Variants in GPC2 observed in about 807,000 individuals in gnomAD.
GPC2 encodes glypican-2.
A neutral mutation model predicts 57.3 loss-of-function variants in GPC2; 42 were observed. That is an observed-to-expected ratio of 0.73 (90% CI 0.57 to 0.95). The LOEUF is 0.95. Among genes scored for constraint, GPC2 ranks in the 40% least tolerant of loss-of-function variants. GPC2 has a pLI of 0.00. For synonymous variants in GPC2, 364 were observed against 343.4 expected, an observed-to-expected ratio of 1.06 and a Z score of -0.66; for missense variants, 745 against 793.6, an observed-to-expected ratio of 0.94 and a Z score of 0.74.
intron 5 of GPC2, 109 bp from the exon 6 acceptor site, chr7:100,172,326 G>A (rs1799193009): frequency 8.1e-7 from 1 of 1,229,516 alleles, no homozygotes; most frequent in Non-Finnish European, 1.1e-6. Context: ...GTGTTTGGGG[G>A]AAACTCACAT....
At position 100,174,754 on chromosome 7, in the gene GPC2, G is replaced by C. The variant is rs1249952468; in HGVS notation, c.660C>G (p.Thr220=). Residue 220 remains threonine (T), a synonymous_variant, in exon 4 of 10, where the codon ACC becomes ACG. Transcript: ENST00000292377. ...PRRLRLQITR[T]LVAARAFVQG... The stretch of plus-strand genomic sequence containing the variant: ...GCACAAAGGCTCGGGCAGCCACCAG[G>C]GTCCGGGTTATCTGGGAGAAGGCAA... 1 of 1,613,974 alleles carries C rather than the reference G, an allele frequency of 6.2e-7. No individual in the cohort carries two copies. Among genetic ancestry groups the C allele is most frequent in the Admixed American group, 1.7e-5 (1 of 60,004 alleles).
intron 4 of GPC2, 128 bp from the exon 5 acceptor site, chr7:100,174,125 G>A: frequency 2.6e-6 from 2 of 763,322 alleles, no homozygotes; most frequent in Non-Finnish European, 2.0e-6. Flanking sequence ...CCACGTGGCA[G>A]CAGGTGAGAT....
intron 2 of GPC2, 61 bp downstream of exon 2, chr7:100,176,146 G>A (rs962484528): frequency 6.8e-7 from 1 of 1,475,806 alleles, no homozygotes; most frequent in African/African-American, 1.4e-5. Context: ...CAGGAGCCTT[G>A]CTGGGGTCCT....
chr7:100,176,896 G>A (rs1799300173), intron 1 of GPC2, 138 bp downstream of exon 1: 5 of 651,636 alleles, frequency 7.7e-6, no homozygotes, highest in Admixed American at 7.0e-5. Flanking sequence ...GGAAGTTACA[G>A]GAGGAGAACA....
At chr7:100,174,606 G>T in intron 4 of GPC2, 79 bp downstream of exon 4, 3 of 1,035,752 alleles carry the variant, frequency 2.9e-6, no homozygotes, top group Non-Finnish European at 1.5e-6. Flanking sequence ...CTGGCTGGTG[G>T]CTGTTTCTTC....
At chr7:100,176,970 G>A (rs1039776147) in intron 1 of GPC2, 64 bp downstream of exon 1, 2 of 1,033,606 alleles carry the variant, frequency 1.9e-6, no homozygotes, top group African/African-American at 3.2e-5. Flanking sequence ...GAGTTATTGT[G>A]AGATGAGGAG....
chr7:100,172,731 A>G (rs552422654), intron 5 of GPC2, among the ~76,000 whole-genome samples: 20 of 146,594 alleles, frequency 1.4e-4, no homozygotes, highest in African/African-American at 4.3e-4. Flanking sequence ...ACGTATATAT[A>G]TGTGTATATA....
intron 4 of GPC2, 105 bp from the exon 5 acceptor site, chr7:100,174,102 A>C: frequency 9.2e-7 from 1 of 1,091,420 alleles, no homozygotes; most frequent in Non-Finnish European, 1.3e-6. Flanking sequence ...CCCTACACCT[A>C]GGGTTGGTGA....
In GPC2 at chr7:100,171,986, A is replaced by C; in HGVS notation, c.1024-61T>G. 2 of 1,556,886 alleles carry C rather than the reference A, an allele frequency of 1.3e-6. No individual in the cohort carries two copies. The highest frequency in any genetic ancestry group is 1.7e-6 in the Non-Finnish European group (2 of 1,151,832). On this transcript the variant is annotated intron_variant, in intron 6 of 9. Transcript: ENST00000292377. The surrounding 1 kb of genome is among the most constrained non-coding windows in gnomAD (Gnocchi z 4.8). ...TGGGGGGAAACCACACTGCGTCCCC[A>C]CTCTGACCCCAGAGTCTCTTCCCAG...
chr7:100,175,611 C>T lies in GPC2; in HGVS notation c.609G>A (p.Leu203=). 1 of 1,613,494 alleles carries T rather than the reference C, an allele frequency of 6.2e-7. No homozygotes were observed. Among genetic ancestry groups the T allele is most frequent in the Non-Finnish European group, 8.5e-7 (1 of 1,179,738 alleles). Residue 203 remains leucine, a synonymous_variant, in exon 3 of 10, where the codon CTG becomes CTA. Transcript: ENST00000292377. ...SRLASSTDGS[L]QPFGDSPRRL... is the part of the protein sequence containing the mutation. ...GGCGGGGTGAGTCCCCAAAGGGCTG[C>T]AGAGAGCCATCGGTAGATGAGGCCA...
In GPC2 at chr7:100,170,306, C is replaced by A; in HGVS notation, c.1664G>T (p.Gly555Val). The A allele has an allele frequency of 6.2e-7, 1 of 1,608,564 alleles. No homozygotes were observed. Among genetic ancestry groups the A allele is most frequent in the Non-Finnish European group, 8.5e-7 (1 of 1,177,642 alleles). ...TTGGGTGTGAAAACCAATAGATGCC[C>A]CCCCACTCCTGCTCCGGCCCTGGTT... The part of the protein sequence containing the change: ...RYNQGRSRSG[G>V]ASIGFHTQTI... Residue 555 changes from glycine to valine, a missense_variant, in exon 10 of 10, where the codon GGG becomes GTG. By Grantham distance (109) the Gly-to-Val change is moderately radical. Around this residue, in one of 2 missense-constraint regions of GPC2, gnomAD observed 607 missense variants for 603.9 expected, o/e 1.01. Transcript: ENST00000292377.
Position 100,177,133 on chromosome 7 carries a change from C to T in GPC2, c.67G>A (p.Gly23Arg). The T allele has an allele frequency of 6.2e-7, 1 of 1,613,564 alleles. No individual in the cohort carries two copies. The highest frequency in any genetic ancestry group is 8.5e-7 in the Non-Finnish European group (1 of 1,179,796). ...CTCCGGGTGACCTTTGCCTCGCTCCCGGGTCCGGGACCAGGACCGGGACAC... is the reference window on the plus strand; with the variant it reads ...CTCCGGGTGACCTTTGCCTCGCTCCTGGGTCCGGGACCAGGACCGGGACAC... ...PLCPGPGPGP[G>R]SEAKVTRSCA... The change falls in exon 1 of 10, where the codon GGG becomes AGG. Residue 23 changes from glycine (G) to arginine (R), a missense_variant. This residue lies in a region of GPC2 where 138 missense variants were observed against 189.8 expected (regional missense o/e 0.73). Transcript: ENST00000292377.
At chr7:100,172,685 G>GTATATATATATGTGTGTGTGTGTGTA (rs1554400928) in intron 5 of GPC2, among the ~76,000 whole-genome samples, 20 of 105,044 alleles carry the variant, frequency 1.9e-4, no homozygotes, top group African/African-American at 5.5e-4. Context: ...GTGTGTGTGT[G>GTATATATATATGTGTGTGTGTGTGTA]TATATATATA....
rs751151658 is a variant in GPC2 at position 100,171,324 on chromosome 7, G to T, written c.1423C>A (p.Arg475=). The T allele has an allele frequency of 6.8e-5, 105 of 1,540,244 alleles. No individual in the cohort carries two copies. The highest frequency in any genetic ancestry group is 8.8e-5 in the Non-Finnish European group (101 of 1,142,416). Residue 475 remains arginine (R), a synonymous_variant, in exon 9 of 10, where the codon CGG becomes AGG. Transcript: ENST00000292377. The surrounding 1 kb of genome is among the most constrained non-coding windows in gnomAD (Gnocchi z 4.8). ...VPTRRRRLQL[R]AATARMKTAA... ...GTTTTCATTCTGGCCGTGGCCGCCC[G>T]GAGCTGTAGCCGACGCCGCCGTGTC...
chr7:100,176,096 G>GGGGGGGGCA, intron 2 of GPC2, 111 bp downstream of exon 2: 1 of 395,286 alleles, frequency 2.5e-6, no homozygotes, highest in African/African-American at 3.1e-5. Context: ...GGCGGGCTGG[G>GGGGGGGGCA]AGGGGATGGA....
rs1799168350 is a variant in GPC2, at chr7:100,171,106, G to A, written c.1486+155C>T. 1.5e-6 allele frequency: 1 copy of A among 662,858 alleles called. No homozygotes were observed. The highest frequency in any genetic ancestry group is 2.1e-5 in the South Asian group (1 of 46,522). 41.1% of individuals were successfully genotyped at this position (662,858 alleles called of 1,614,324 possible). ...CCCCCTCATTGATCTGTTACCCCCA[G>A]TCTTTCAGGGCAACGCTCAATAAAT... On this transcript the variant is annotated intron_variant, in intron 9 of 9. Transcript: ENST00000292377. The surrounding 1 kb of genome is among the most constrained non-coding windows in gnomAD (Gnocchi z 4.8).
intron 4 of GPC2, chr7:100,174,381 T>C (rs1799234183): frequency 3.8e-6 from 2 of 527,830 alleles, no homozygotes; most frequent in Admixed American, 3.2e-5. Context: ...CATTGAGGGA[T>C]CCTGGGGGGT....
intron 1 of GPC2, among the ~76,000 whole-genome samples, 193 bp from the exon 2 acceptor site, chr7:100,176,558 G>C (rs1020350542): frequency 1.3e-5 from 2 of 152,012 alleles, no homozygotes; most frequent in Non-Finnish European, 2.9e-5. Context: ...ACTCCCATTA[G>C]CCACGGGATC....
chr7:100,173,682 C>CTCTTTCTT (rs71126309), intron 5 of GPC2, 153 bp downstream of exon 5: 3 of 456,042 alleles, frequency 6.6e-6, no homozygotes, highest in African/African-American at 6.2e-5. Context: ...TTCTCTCTCT[C>CTCTTTCTT]TCTTTCTTTC....
Sources: gnomAD v4.1 joint callset for allele counts (sites outside exome capture counted in the v4.1 genomes callset) on GRCh38, gnomAD v4.1.1 for gene constraint, gnomAD v4.1.1 regional missense constraint, Gnocchi (gnomAD v3.1) non-coding constraint, MANE v1.5 for transcripts, NCBI Gene and HGNC (gene_info 2026-07-23, HGNC 2026-07-21) for gene names.